The following THSD7B variants were observed in gnomAD, a reference collection of about 807,000 sequenced individuals.
The protein encoded by THSD7B is thrombospondin type-1 domain-containing protein 7B.
In THSD7B, 138 loss-of-function variants were observed where a neutral mutation model predicts 213.6. The observed-to-expected ratio is 0.65, with a 90% CI of 0.56 to 0.74. The LOEUF (loss-of-function observed/expected upper bound fraction) is 0.74. Ranked by LOEUF, THSD7B falls within the 30% of genes least tolerant of loss-of-function variation. THSD7B has a pLI of 0.00. For missense variants in THSD7B, 1,931 were observed against 1,991.5 expected (o/e 0.97, Z 0.58); for synonymous variants, 742 against 687.0 (o/e 1.08, Z -1.25).
intron 27 of THSD7B, among the ~76,000 whole-genome samples, chr2:137,674,558 C>T (rs1260051689): frequency 6.6e-6 from 1 of 151,984 alleles, no homozygotes; most frequent in Non-Finnish European, 1.5e-5. Flanking sequence ...GAGCCTGAGC[C>T]CATCAGTATA....
At chr2:137,337,561 C>T (rs1684666771) in intron 12 of THSD7B, among the ~76,000 whole-genome samples, 1 of 152,022 alleles carries the variant, frequency 6.6e-6, no homozygotes. Flanking sequence ...GTAATTAATA[C>T]ATATTATGTG....
At chr2:137,313,069 T>G (rs2104865028) in intron 12 of THSD7B, among the ~76,000 whole-genome samples, 1 of 151,682 alleles carries the variant, frequency 6.6e-6, no homozygotes, top group South Asian at 2.1e-4. Flanking sequence ...CCTTGTTGAC[T>G]TTCTGTCTCA....
chr2:136,884,706 T>C (rs551225744), intron 2 of THSD7B, among the ~76,000 whole-genome samples: 67 of 152,346 alleles, frequency 4.4e-4, no homozygotes, highest in African/African-American at 1.2e-3. Context: ...AATGATATAT[T>C]GATGAATATT....
intron 2 of THSD7B, among the ~76,000 whole-genome samples, chr2:137,024,205 C>T (rs531511160): frequency 1.3e-5 from 2 of 152,154 alleles, no homozygotes; most frequent in Non-Finnish European, 2.9e-5. Context: ...CGCGATCTGT[C>T]ACCTCACTCT....
chr2:137,277,896 C>A (rs1482993233), intron 12 of THSD7B, among the ~76,000 whole-genome samples: 1 of 152,016 alleles, frequency 6.6e-6, no homozygotes, highest in Non-Finnish European at 1.5e-5. Context: ...CAGGAAAGTT[C>A]CTCCTTGTTC....
intron 12 of THSD7B, among the ~76,000 whole-genome samples, chr2:137,395,148 C>A (rs557865844): frequency 6.9e-6 from 1 of 144,512 alleles, no homozygotes; most frequent in East Asian, 2.0e-4. Flanking sequence ...ATTGAATACC[C>A]TTTATTTCCT....
At chr2:137,023,132 G>A (rs1011360124) in intron 2 of THSD7B, among the ~76,000 whole-genome samples, 1 of 152,202 alleles carries the variant, frequency 6.6e-6, no homozygotes. Flanking sequence ...TTATACAGAA[G>A]ATGGAAAAGC....
At chr2:137,071,499 T>C (rs553730976) in intron 3 of THSD7B, among the ~76,000 whole-genome samples, 27 of 152,246 alleles carry the variant, frequency 1.8e-4, no homozygotes, top group Admixed American at 1.2e-3. Context: ...TTCTCCCATT[T>C]TGTAGGTTGC....
At chr2:136,966,355 C>T (rs576361552) in intron 2 of THSD7B, among the ~76,000 whole-genome samples, 46 of 152,116 alleles carry the variant, frequency 3.0e-4, no homozygotes, top group African/African-American at 1.1e-3. Context: ...ATAGCTAGGA[C>T]TACAGGTGCA....
chr2:136,796,408 G>T (rs2104918308), intron 1 of THSD7B, among the ~76,000 whole-genome samples: 1 of 152,038 alleles, frequency 6.6e-6, no homozygotes, highest in South Asian at 2.1e-4. Context: ...ATGGAAACTT[G>T]CTGGCGACCG....
At chr2:136,940,895 G>T (rs536638480) in intron 2 of THSD7B, among the ~76,000 whole-genome samples, 222 of 146,936 alleles carry the variant, frequency 1.5e-3, no homozygotes, top group African/African-American at 5.5e-3. Flanking sequence ...TAGGGTACAT[G>T]TGCACAATGT....
chr2:137,278,898 A>G (rs1391988888), intron 12 of THSD7B, among the ~76,000 whole-genome samples: 1 of 152,190 alleles, frequency 6.6e-6, no homozygotes, highest in Non-Finnish European at 1.5e-5. Flanking sequence ...TATAGTTACA[A>G]TATACTTTTT....
intron 12 of THSD7B, among the ~76,000 whole-genome samples, chr2:137,354,476 A>T (rs1394717853): frequency 6.6e-6 from 1 of 152,120 alleles, no homozygotes; most frequent in Non-Finnish European, 1.5e-5. Flanking sequence ...TTTAATAATC[A>T]TCTATTAAAA....
At chr2:136,905,161 A>G (rs867663195) in intron 2 of THSD7B, among the ~76,000 whole-genome samples, 4 of 152,216 alleles carry the variant, frequency 2.6e-5, no homozygotes, top group African/African-American at 9.6e-5. Flanking sequence ...CCAACTTTCC[A>G]AATAATATAT....
intron 3 of THSD7B, among the ~76,000 whole-genome samples, chr2:137,091,150 T>C (rs980915969): frequency 5.9e-5 from 9 of 152,184 alleles, no homozygotes; most frequent in African/African-American, 2.2e-4. Flanking sequence ...TTTTCGAAAA[T>C]ATAAAAGCCT....
chr2:136,889,518 T>G (rs1683778596), intron 2 of THSD7B, among the ~76,000 whole-genome samples: 1 of 152,244 alleles, frequency 6.6e-6, no homozygotes, highest in African/African-American at 2.4e-5. Flanking sequence ...GTGCCCATAC[T>G]CTTTGTAGTG....
chr2:137,534,122 C>A (rs940272785), intron 15 of THSD7B, among the ~76,000 whole-genome samples: 1 of 151,180 alleles, frequency 6.6e-6, no homozygotes, highest in Non-Finnish European at 1.5e-5. Flanking sequence ...ACTATTTTTT[C>A]CCTAATCTTT....
intron 2 of THSD7B, among the ~76,000 whole-genome samples, chr2:137,011,338 T>C (rs538999898): frequency 2.0e-5 from 3 of 152,230 alleles, no homozygotes; most frequent in Non-Finnish European, 4.4e-5. Context: ...AGAAAGCCAA[T>C]TTAGTGAGCT....
intron 5 of THSD7B, among the ~76,000 whole-genome samples, chr2:137,146,548 A>C (rs1372652321): frequency 2.0e-5 from 3 of 152,138 alleles, no homozygotes; most frequent in Admixed American, 6.6e-5. Flanking sequence ...TTTTCTTATT[A>C]GTTAAATTAG....
Sources: gnomAD v4.1 joint callset for allele counts (sites outside exome capture counted in the v4.1 genomes callset) on GRCh38, gnomAD v4.1.1 for gene constraint, MANE v1.5 for transcripts, NCBI Gene and HGNC (gene_info 2026-07-23, HGNC 2026-07-21) for gene names.